The following LLGL2 variants were observed in gnomAD, a reference collection of about 807,000 sequenced individuals.
LLGL2 encodes LLGL2, scribble cell polarity complex component.
A neutral mutation model predicts 123.2 loss-of-function variants in LLGL2; 81 were observed. The observed-to-expected ratio is 0.66, with a 90% confidence interval of 0.55 to 0.79. The LOEUF (loss-of-function observed/expected upper bound fraction) is 0.79, where lower values mean the gene tolerates loss of function less well. Ranked by LOEUF, LLGL2 falls within the 30% of genes least tolerant of loss-of-function variation. The pLI, the probability that LLGL2 is intolerant of heterozygous loss-of-function variation, is 0.00. For missense variants in LLGL2, 1,273 were observed against 1,414.6 expected, an observed-to-expected ratio of 0.90 and a Z score of 1.61; for synonymous variants, 577 against 594.1, an observed-to-expected ratio of 0.97 and a Z score of 0.42.
intron 1 of LLGL2, chr17:75,543,134 G>A (rs2054281484): frequency 3.7e-6 from 1 of 269,714 alleles, no homozygotes. Context: ...ATAAAGCCAG[G>A]CTAAATGGCT....
intron 23 of LLGL2, 78 bp downstream of exon 23, chr17:75,574,338 C>T (rs1195690952): frequency 6.6e-7 from 1 of 1,523,178 alleles, no homozygotes; most frequent in Admixed American, 2.0e-5. Flanking sequence ...CTGGGCAGGC[C>T]ACTGCCCTGA....
chr17:75,574,110 GC>G, intron 22 of LLGL2, 102 bp from the exon 23 acceptor site: 1 of 1,539,132 alleles, frequency 6.5e-7, no homozygotes, highest in Non-Finnish European at 8.8e-7. Flanking sequence ...ATTCCTTCCA[GC>G]CCTGGGCCCT....
At chr17:75,553,987 G>T (rs1216822602) in intron 2 of LLGL2, among the ~76,000 whole-genome samples, 1 of 152,098 alleles carries the variant, frequency 6.6e-6, no homozygotes, top group Non-Finnish European at 1.5e-5. Context: ...TACAGGTAAA[G>T]AATATTCTTT....
chr17:75,568,736 A>T (rs1395060152), intron 11 of LLGL2, 36 bp from the exon 12 acceptor site: 1 of 1,612,764 alleles, frequency 6.2e-7, no homozygotes, highest in Non-Finnish European at 8.5e-7. Flanking sequence ...ACCGCAAGCC[A>T]AACTCTCCCA....
chr17:75,542,683 A>G (rs7502690), intron 1 of LLGL2: 3 of 152,156 alleles, frequency 2.0e-5, no homozygotes, highest in Non-Finnish European at 4.4e-5. Context: ...CTTTCTGAGC[A>G]CAGCCCATGA....
intron 1 of LLGL2, among the ~76,000 whole-genome samples, chr17:75,534,405 C>T (rs1352544268): frequency 6.6e-6 from 1 of 152,232 alleles, no homozygotes; most frequent in African/African-American, 2.4e-5. Context: ...GCAGGCAGCC[C>T]CTTTGTCCTG....
chr17:75,573,403 T>G (rs1184672678), intron 20 of LLGL2, 78 bp from the exon 21 acceptor site: 19 of 1,561,712 alleles, frequency 1.2e-5, no homozygotes, highest in Non-Finnish European at 1.7e-5. Flanking sequence ...GAGGGAGCAC[T>G]AGCCCCTACT....
intron 1 of LLGL2, among the ~76,000 whole-genome samples, chr17:75,535,484 C>T (rs944310016): frequency 1.3e-5 from 2 of 152,328 alleles, no homozygotes; most frequent in Non-Finnish European, 2.9e-5. Flanking sequence ...TGGAACTTCC[C>T]GAGCTATGGA....
At position 75,564,231 on chromosome 17, in the gene LLGL2, A is replaced by T. The variant is rs2055349568; in HGVS notation, c.882-122A>T. Reference sequence around the variant, plus strand: ...CCTGGGCTGTAGCAGTTGGAAGGAGATGGGGTCCAGTCTCCCCTGCTCCTG... The same window carrying T: ...CCTGGGCTGTAGCAGTTGGAAGGAGTTGGGGTCCAGTCTCCCCTGCTCCTG... On this transcript the variant is annotated intron_variant, in intron 9 of 25. Coordinates refer to ENST00000392550, the MANE Select transcript of LLGL2 (RefSeq NM_001031803.2). This position sits in a 1 kb window ranked among gnomAD's most constrained non-coding sequence, Gnocchi z 4.9. 1 of 1,488,212 alleles carries T rather than the reference A, an allele frequency of 6.7e-7. No individual in the cohort carries two copies. Among genetic ancestry groups the T allele is most frequent in the Non-Finnish European group, 8.9e-7 (1 of 1,124,048 alleles). 92.2% of individuals were successfully genotyped at this position (1,488,212 alleles called of 1,614,324 possible). A position where few individuals can be genotyped will look rare whatever the true frequency, so the allele number is the denominator to read the frequency against.
At chr17:75,527,407 T>TG (rs2053611537) in intron 1 of LLGL2, among the ~76,000 whole-genome samples, 1 of 152,144 alleles carries the variant, frequency 6.6e-6, no homozygotes, top group Non-Finnish European at 1.5e-5. Context: ...CCCATCTTTG[T>TG]GGGGGCTCCT....
In LLGL2 at chr17:75,563,317, C is replaced by T. The variant is rs1302269275; in HGVS notation, c.694-14C>T. On this transcript the variant is annotated splice_polypyrimidine_tract_variant and intron_variant, in intron 7 of 25. Transcript: ENST00000392550. ...CAGCGTGCTGCCCTCTGTCCCTCTC[C>T]TCTTCCTCCATAGCAACTGGAGAAC... The T allele has an allele frequency of 6.2e-7, 1 of 1,611,934 alleles. No homozygotes were observed. The highest frequency in any genetic ancestry group is 8.5e-7 in the Non-Finnish European group (1 of 1,179,354).
chr17:75,564,124 G>A lies in LLGL2; in HGVS notation c.882-229G>A, dbSNP rs561482788. Reference sequence around the variant, plus strand: ...TGGGTGATGTTCAAACAGAATTGGTGGGGGCACCCAGCATGAGGCAGGAGT... The same window carrying A: ...TGGGTGATGTTCAAACAGAATTGGTAGGGGCACCCAGCATGAGGCAGGAGT... On this transcript the variant is annotated intron_variant, in intron 9 of 25. Transcript: ENST00000392550. The surrounding 1 kb of genome is among the most constrained non-coding windows in gnomAD (Gnocchi z 4.9). 2.0e-5 allele frequency among the ~76,000 whole-genome samples: 3 copies of A among 152,338 alleles called. No individual in the cohort carries two copies. Among genetic ancestry groups the A allele is most frequent in the South Asian group, 4.1e-4 (2 of 4,830 alleles).
chr17:75,558,713 G>A lies in LLGL2; in HGVS notation c.371+86G>A. On this transcript the variant is annotated intron_variant, in intron 5 of 25. Transcript: ENST00000392550. The surrounding 1 kb of genome is among the most constrained non-coding windows in gnomAD (Gnocchi z 4.0). ...CTGGAGTGGACTCACCCTTTGTGAGGCCTGTTGCGCCCCTGGCAGTGACTG... is the reference window on the plus strand; with the variant it reads ...CTGGAGTGGACTCACCCTTTGTGAGACCTGTTGCGCCCCTGGCAGTGACTG... 1.9e-6 allele frequency: 2 copies of A among 1,032,950 alleles called. No individual in the cohort carries two copies. The highest frequency in any genetic ancestry group is 2.6e-5 in the East Asian group (1 of 38,236). The allele number at this position is 1,032,950 out of a possible 1,614,324, so 64.0% of individuals were successfully genotyped here.
At chr17:75,553,092 C>T (rs1291892955) in intron 2 of LLGL2, among the ~76,000 whole-genome samples, 1 of 152,228 alleles carries the variant, frequency 6.6e-6, no homozygotes, top group Non-Finnish European at 1.5e-5. Context: ...TCCTGCACAT[C>T]CTATCCCACT....
chr17:75,571,171 C>A, intron 17 of LLGL2, 71 bp downstream of exon 17: 1 of 1,424,662 alleles, frequency 7.0e-7, no homozygotes, highest in Non-Finnish European at 9.7e-7. Flanking sequence ...TGGGGGCATG[C>A]CGGGGGCTGC....
intron 2 of LLGL2, among the ~76,000 whole-genome samples, chr17:75,554,675 A>G (rs556280104): frequency 5.3e-5 from 8 of 151,710 alleles, no homozygotes; most frequent in African/African-American, 1.9e-4. Context: ...GGAGGCCAAG[A>G]TGGGCGGATC....
chr17:75,563,063 C>T lies in LLGL2; in HGVS notation c.578C>T (p.Ala193Val), dbSNP rs1196742784. ...CGGCGTGTGTTCGAGATGGTGGAGGCACTGCAGGAGCACCCTCGAGACCCC... is the reference window on the plus strand; with the variant it reads ...CGGCGTGTGTTCGAGATGGTGGAGGTACTGCAGGAGCACCCTCGAGACCCC... ...RHRRVFEMVE[A>V]LQEHPRDPNQ... The change falls in exon 7 of 26, where the codon GCA becomes GTA. Residue 193 changes from alanine to valine, a missense_variant. Physicochemically the swap from Ala to Val is moderately conservative, Grantham distance 64. Transcript: ENST00000392550. 1.2e-6 allele frequency: 2 copies of T among 1,613,010 alleles called. No homozygotes were observed. The highest frequency in any genetic ancestry group is 1.3e-5 in the African/African-American group (1 of 74,960).
intron 1 of LLGL2, among the ~76,000 whole-genome samples, chr17:75,540,845 C>T (rs1377186641): frequency 6.6e-6 from 1 of 152,164 alleles, no homozygotes; most frequent in Non-Finnish European, 1.5e-5. Context: ...GCTCCACGCT[C>T]ACAAACTCAC....
At chr17:75,550,684 C>T (rs534603575) in intron 2 of LLGL2, among the ~76,000 whole-genome samples, 1 of 150,422 alleles carries the variant, frequency 6.6e-6, no homozygotes, top group South Asian at 2.1e-4. Flanking sequence ...ACTCGGGAGA[C>T]TCAGGTGGAT....
Sources: gnomAD v4.1 joint callset for allele counts (sites outside exome capture counted in the v4.1 genomes callset) on GRCh38, gnomAD v4.1.1 for gene constraint, Gnocchi (gnomAD v3.1) non-coding constraint, MANE v1.5 for transcripts, NCBI Gene and HGNC (gene_info 2026-07-23, HGNC 2026-07-21) for gene names.